The following ZNF726 variants were observed in gnomAD, a reference collection of about 807,000 sequenced individuals.
ZNF726 encodes the protein zinc finger protein 92 pseudogene 3.
Under a neutral mutation model 11.6 loss-of-function variants are expected in ZNF726, and 15 were observed. The ratio of observed to expected loss-of-function variants is 1.29; its 90% CI spans 0.86 to 1.99. ZNF726 has a LOEUF of 1.99. Among genes scored for constraint, ZNF726 ranks in the 30% most tolerant of loss-of-function variants. The pLI, the probability that ZNF726 is intolerant of heterozygous loss-of-function variation, is 0.00. For missense variants in ZNF726, 890 were observed against 725.6 expected, an observed-to-expected ratio of 1.23 and a Z score of -2.60; for synonymous variants, 295 against 243.6, an observed-to-expected ratio of 1.21 and a Z score of -1.96.
At chr19:23,919,910 C>G in intron 2 of ZNF726, 77 bp from the exon 3 acceptor site, 1 of 952,820 alleles carries the variant, frequency 1.0e-6, no homozygotes, top group Non-Finnish European at 1.5e-6. Context: ...TATTATATCC[C>G]TTTTACTTTG....
At position 23,919,491 on chromosome 19, in the gene ZNF726, C is replaced by T; in HGVS notation, c.122C>T (p.Ala41Val). 6.3e-7 allele frequency: 1 copy of T among 1,598,022 alleles called. No individual in the cohort carries two copies. The highest frequency in any genetic ancestry group is 8.5e-7 in the Non-Finnish European group (1 of 1,173,172). The stretch of plus-strand genomic sequence containing the variant: ...ATGTTAGAGAACTACAGAAACCTGG[C>T]CTTCCTGGGTGAGGATAACTTTAAT... ...NVMLENYRNL[A>V]FLGIAVSKPD... Residue 41 changes from alanine to valine, a missense_variant, in exon 2 of 4, where the codon GCC (alanine) becomes GTC (valine). Coordinates refer to ENST00000594466, the MANE Select transcript of ZNF726 (RefSeq NM_001244038.2).
chr19:23,938,589 G>GT (rs1014943663), downstream of ZNF726, among the ~76,000 whole-genome samples: 24 of 142,406 alleles, frequency 1.7e-4, no homozygotes, highest in Non-Finnish European at 2.5e-4. Context: ...TCGTTTAATA[G>GT]TTTTTTTTTC....
Position 23,919,998 on chromosome 19 carries a change from T to G in ZNF726, c.142T>G (p.Ser48Ala), listed in dbSNP as rs767827464. The change falls in exon 3 of 4, where the codon TCT becomes GCT. Residue 48 changes from serine to alanine, a missense_variant. Coordinates refer to ENST00000594466, the MANE Select transcript of ZNF726 (RefSeq NM_001244038.2). ...RNLAFLGIAV[S>A]KPDLIICLEK... is the part of the protein sequence containing the mutation. The stretch of plus-strand genomic sequence containing the variant: ...TTTTAATAAAACAGGTATTGCTGTC[T>G]CTAAGCCAGACCTCATCATCTGTCT... The G allele has an allele frequency of 1.9e-6, 3 of 1,581,394 alleles. No individual in the cohort carries two copies. Among genetic ancestry groups the G allele is most frequent in the Admixed American group, 3.4e-5 (2 of 58,498 alleles).
chr19:23,933,270 C>T lies in ZNF726; in HGVS notation c.1154C>T (p.Thr385Ile), dbSNP rs750172145. ...GCATTTATATGGCCCTCAACCCTAA[C>T]TAAACATAAGAGGATTCACACTGGA... Reference protein sequence around the residue: ...GKAFIWPSTLTKHKRIHTGEK... With the variant: ...GKAFIWPSTLIKHKRIHTGEK... The change falls in exon 4 of 4, where the codon ACT (threonine) becomes ATT (isoleucine). Residue 385 changes from threonine (T) to isoleucine (I), a missense_variant. Thr to Ile is a moderately conservative substitution (Grantham distance 89). Transcript: ENST00000594466. The T allele has an allele frequency of 6.8e-6, 11 of 1,613,156 alleles. No individual in the cohort carries two copies. In the East Asian group the frequency reaches 2.5e-4, roughly 36 times the overall value.
chr19:23,922,920 AC>A (rs1967888078), intron 3 of ZNF726, among the ~76,000 whole-genome samples: 2 of 143,534 alleles, frequency 1.4e-5, no homozygotes, highest in East Asian at 3.9e-4. Context: ...CAAATAGGTC[AC>A]CTTTTTTTTT....
chr19:23,940,506 G>A (rs886375839), intron 3 of ZNF726, among the ~76,000 whole-genome samples: 2 of 151,706 alleles, frequency 1.3e-5, no homozygotes, highest in Admixed American at 6.6e-5. Context: ...TGTTAGAATC[G>A]TTTTTTTTAA....
chr19:23,932,748 A>G lies in ZNF726; in HGVS notation c.632A>G (p.Asn211Ser), dbSNP rs1416662950. Residue 211 changes from asparagine (N) to serine (S), a missense_variant, in exon 4 of 4, where the codon AAT becomes AGT. Physicochemically the swap from Asn to Ser is conservative, Grantham distance 46 (BLOSUM62 1). Transcript: ENST00000594466. ...TGTAAAGAATGTGGAAAAACCTTTA[A>G]TTGGTCCTCAACCCTTACTAATCAT... ...YKCKECGKTF[N>S]WSSTLTNHKK... 2 of 1,612,430 alleles carry G rather than the reference A, an allele frequency of 1.2e-6. No individual in the cohort carries two copies. The highest frequency in any genetic ancestry group is 1.3e-5 in the African/African-American group (1 of 74,968).
chr19:23,920,385 A>G (rs1967814625), intron 3 of ZNF726: 1 of 188,132 alleles, frequency 5.3e-6, no homozygotes, highest in Non-Finnish European at 1.1e-5. Flanking sequence ...GTGGACAGAT[A>G]GATATCTGCA....
At chr19:23,920,310 A>T (rs891966240) in intron 3 of ZNF726, 4 of 312,834 alleles carry the variant, frequency 1.3e-5, no homozygotes, top group Non-Finnish European at 2.5e-5. Context: ...GTTTACAGTG[A>T]CAGCCAAAGT....
chr19:23,931,303 A>T (rs540315051), intron 3 of ZNF726, among the ~76,000 whole-genome samples: 6 of 152,202 alleles, frequency 3.9e-5, no homozygotes, highest in Admixed American at 1.3e-4. Flanking sequence ...TTATTTTTAC[A>T]TCATTTTTTC....
rs1214567433 is a variant in ZNF726 at position 23,919,944 on chromosome 19, A to G, written c.131-43A>G. The G allele has an allele frequency of 2.9e-6, 4 of 1,399,780 alleles. No homozygotes were observed. The Admixed American group carries it at 7.2e-5, about 25-fold the overall frequency. The allele number at this position is 1,399,780 out of a possible 1,614,324, so 86.7% of individuals were successfully genotyped here. On this transcript the variant is annotated intron_variant, in intron 2 of 3. Coordinates refer to ENST00000594466, the MANE Select transcript of ZNF726 (RefSeq NM_001244038.2). ...TGCACATTACTAAGTTGGTAATTGG[A>G]GAATATGAGCAAGATTCATGTTAAT...
intron 4 of ZNF726, chr19:23,944,513 A>T (rs1968388189): frequency 6.6e-6 from 1 of 152,544 alleles, no homozygotes. Context: ...GGGATTCTTT[A>T]TTATTATGAT....
chr19:23,942,114 C>T (rs1051539188), intron 3 of ZNF726, among the ~76,000 whole-genome samples: 9 of 152,084 alleles, frequency 5.9e-5, no homozygotes, highest in Admixed American at 3.9e-4. Flanking sequence ...TATGAACTTT[C>T]CTCTTACCAT....
chr19:23,941,438 TTCTTTTCTGGTTTTG>T (rs549348029), intron 3 of ZNF726, among the ~76,000 whole-genome samples: 11 of 152,256 alleles, frequency 7.2e-5, no homozygotes, highest in East Asian at 1.9e-4. Context: ...ATCTGTAGTT[TTCTTTTCTGGTTTTG>T]TCTTTTCTGG....
intron 3 of ZNF726, chr19:23,928,955 C>G (rs1445469351): frequency 6.6e-6 from 1 of 151,992 alleles, no homozygotes; most frequent in Non-Finnish European, 1.5e-5. Context: ...TAGCATCACA[C>G]CTAGCTAGTT....
At chr19:23,916,053 G>C (rs1203661035) in intron 1 of ZNF726, among the ~76,000 whole-genome samples, 5 of 152,052 alleles carry the variant, frequency 3.3e-5, no homozygotes, top group Admixed American at 3.3e-4. Context: ...AGAAATCCAG[G>C]GACTAGAGCC....
chr19:23,915,076 C>G (rs1291210607), intron 1 of ZNF726, 79 bp downstream of exon 1: 1 of 1,602,002 alleles, frequency 6.2e-7, no homozygotes, highest in Non-Finnish European at 8.5e-7. Context: ...TGGCGGGACT[C>G]AGGCCTCCTC....
chr19:23,938,844 T>A (rs549794394), downstream of ZNF726, among the ~76,000 whole-genome samples: 2 of 152,232 alleles, frequency 1.3e-5, no homozygotes, highest in South Asian at 4.2e-4. Flanking sequence ...TGACCTAAGG[T>A]GATCCACCCA....
chr19:23,921,736 A>T (rs1033019376), intron 3 of ZNF726, among the ~76,000 whole-genome samples: 1 of 152,194 alleles, frequency 6.6e-6, no homozygotes. Flanking sequence ...ATATTTTGCT[A>T]ATCAACTGAG....
Sources: gnomAD v4.1 joint callset for allele counts (sites outside exome capture counted in the v4.1 genomes callset) on GRCh38, gnomAD v4.1.1 for gene constraint, MANE v1.5 for transcripts, NCBI Gene and HGNC (gene_info 2026-07-23, HGNC 2026-07-21) for gene names.